CCDC102B: variants seen among roughly 807,000 people sequenced by gnomAD.
CCDC102B encodes coiled-coil domain-containing protein 102B.
CCDC102B carries 75 observed loss-of-function variants against 57.4 expected under a neutral mutation model. The observed-to-expected ratio is 1.31, with a 90% CI of 1.08 to 1.58. The LOEUF is 1.58. Among genes scored for constraint, CCDC102B ranks in the 40% most tolerant of loss-of-function variants. CCDC102B has a pLI of 0.00. For synonymous variants in CCDC102B, 206 were observed against 201.9 expected (o/e 1.02, Z -0.17); for missense variants, 636 against 582.6 (o/e 1.09, Z -0.94).
At chr18:68,755,821 G>A (rs1302515667) in intron 2 of CCDC102B, among the ~76,000 whole-genome samples, 1 of 151,062 alleles carries the variant, frequency 6.6e-6, no homozygotes, top group Non-Finnish European at 1.5e-5. Flanking sequence ...TCATGTAGAA[G>A]ACCAATAAAA....
intron 5 of CCDC102B, among the ~76,000 whole-genome samples, chr18:68,894,505 A>G (rs8090697): frequency 0.45 from 68,317 of 151,554 alleles, 16,191 homozygotes; most frequent in East Asian, 0.72. Flanking sequence ...CCATTTGATA[A>G]AATTATTGTA....
chr18:68,988,379 T>C (rs2050777229), intron 6 of CCDC102B, among the ~76,000 whole-genome samples: 1 of 137,926 alleles, frequency 7.3e-6, no homozygotes, highest in Non-Finnish European at 1.5e-5. Flanking sequence ...AACAACAGAA[T>C]CTGTAGACTG....
chr18:68,891,711 T>G (rs72951238), intron 5 of CCDC102B, among the ~76,000 whole-genome samples: 7,445 of 152,284 alleles, frequency 0.049, 234 homozygotes, highest in Non-Finnish European at 0.059. Context: ...CATTACATGG[T>G]CTTTCCTCTG....
rs2049599992 is a variant in CCDC102B at position 68,948,412 on chromosome 18, C to G, written c.1263+50984C>G. Among the ~76,000 whole-genome samples the G allele has an allele frequency of 3.9e-5, 6 of 152,228 alleles. No individual in the cohort carries two copies. In the South Asian group the frequency reaches 1.2e-3, roughly 32 times the overall value. On this transcript the variant is annotated intron_variant, in intron 6 of 7. Coordinates refer to ENST00000360242, the MANE Select transcript of CCDC102B (RefSeq NM_024781.3). ...TCTTTTTCATTAATCTGCAATCTAA[C>G]ACATGCTATCTTTATTATCATTTTC...
chr18:68,785,366 T>C (rs1262469177), intron 2 of CCDC102B, among the ~76,000 whole-genome samples: 1 of 152,222 alleles, frequency 6.6e-6, no homozygotes, highest in Non-Finnish European at 1.5e-5. Context: ...CTAGGTCAAA[T>C]GGTACTTCCA....
chr18:68,897,821 G>T (rs2040298047), intron 6 of CCDC102B: 1 of 338,892 alleles, frequency 3.0e-6, no homozygotes, highest in Non-Finnish European at 5.6e-6. Flanking sequence ...TGGTAGCTAT[G>T]GTAAGTATCT....
chr18:68,759,328 A>ATTT (rs2034174507), intron 2 of CCDC102B, among the ~76,000 whole-genome samples: 1 of 152,114 alleles, frequency 6.6e-6, no homozygotes, highest in Admixed American at 6.6e-5. Flanking sequence ...AGGAACTTAA[A>ATTT]GAAATGAGTT....
intron 6 of CCDC102B, among the ~76,000 whole-genome samples, chr18:68,978,202 C>CT (rs539167722): frequency 6.8e-4 from 103 of 152,130 alleles, no homozygotes; most frequent in African/African-American, 2.4e-3. Flanking sequence ...AGATGATAAC[C>CT]TTACTGGTGG....
intron 6 of CCDC102B, among the ~76,000 whole-genome samples, chr18:68,953,347 A>ATACTT (rs1444045877): frequency 7.3e-6 from 1 of 136,568 alleles, no homozygotes; most frequent in Non-Finnish European, 1.5e-5. Context: ...ACTCTTGCCA[A>ATACTT]TACTTGTCTT....
chr18:68,815,365 T>G (rs1049071409), intron 1 of CCDC102B, among the ~76,000 whole-genome samples: 1 of 152,196 alleles, frequency 6.6e-6, no homozygotes, highest in Non-Finnish European at 1.5e-5. Context: ...TGCAGGTATA[T>G]GCATTGGGGC....
rs528272514 is a variant in CCDC102B at position 68,760,501 on chromosome 18, T to C, written c.-67+43907T>C. Among the ~76,000 whole-genome samples the C allele has an allele frequency of 7.9e-5, 12 of 152,240 alleles. 1 individual carries two copies. The South Asian group carries it at 2.5e-3, about 32-fold the overall frequency. The stretch of plus-strand genomic sequence containing the variant: ...AGTTATTAAATAAACACTTTTGTTG[T>C]ACCAGGTGTCATTGATACATTCATT... On this transcript the variant is annotated intron_variant, in intron 2 of 3. Coordinates refer to the CCDC102B transcript ENST00000578970.
At chr18:68,930,331 T>A (rs1466357083) in intron 6 of CCDC102B, among the ~76,000 whole-genome samples, 1 of 151,274 alleles carries the variant, frequency 6.6e-6, no homozygotes, top group Non-Finnish European at 1.5e-5. Context: ...GTTTATGGGC[T>A]ATTTTTAAAT....
chr18:68,998,559 G>A (rs1305812657), intron 6 of CCDC102B, among the ~76,000 whole-genome samples: 6 of 147,552 alleles, frequency 4.1e-5, no homozygotes, highest in Non-Finnish European at 8.9e-5. Flanking sequence ...TGCAAGCTGA[G>A]GAGCAAGGAA....
chr18:68,756,764 A>G (rs939127170), intron 2 of CCDC102B, among the ~76,000 whole-genome samples: 7 of 152,166 alleles, frequency 4.6e-5, no homozygotes, highest in African/African-American at 1.7e-4. Context: ...TCAATTCGAT[A>G]ATAAAAGGGA....
chr18:68,880,065 G>T (rs989712711), intron 5 of CCDC102B, among the ~76,000 whole-genome samples: 1 of 152,180 alleles, frequency 6.6e-6, no homozygotes. Context: ...CATCGGGGAG[G>T]CTTGGGCCCC....
chr18:68,864,090 C>T (rs984513823), intron 4 of CCDC102B, among the ~76,000 whole-genome samples: 2 of 152,016 alleles, frequency 1.3e-5, no homozygotes, highest in East Asian at 1.9e-4. Flanking sequence ...GACTGGGAAA[C>T]GTTGTAAATA....
At chr18:69,036,636 T>C (rs949035655) in intron 7 of CCDC102B, among the ~76,000 whole-genome samples, 1 of 152,064 alleles carries the variant, frequency 6.6e-6, no homozygotes, top group African/African-American at 2.4e-5. Context: ...GCAAACACTA[T>C]TCCAGGCTCT....
chr18:68,750,765 C>T (rs1568231611), intron 2 of CCDC102B, among the ~76,000 whole-genome samples: 1 of 131,746 alleles, frequency 7.6e-6, no homozygotes, highest in Non-Finnish European at 1.5e-5. Context: ...CACTTGGACA[C>T]AGGAAGGGGA....
At chr18:68,940,400 G>T (rs563710877) in intron 6 of CCDC102B, among the ~76,000 whole-genome samples, 6 of 151,840 alleles carry the variant, frequency 4.0e-5, no homozygotes, top group Non-Finnish European at 7.4e-5. Context: ...ATCTCCCACA[G>T]ATAACTCCAT....
Sources: allele counts gnomAD v4.1 joint callset (sites outside exome capture counted in the v4.1 genomes callset), GRCh38; gene constraint gnomAD v4.1.1; transcripts MANE v1.5; gene names NCBI Gene and HGNC (gene_info 2026-07-23, HGNC 2026-07-21).